PACRG: variants seen among roughly 807,000 people sequenced by gnomAD.
The protein encoded by PACRG is parkin coregulated gene protein.
Under a neutral mutation model 29.7 loss-of-function variants are expected in PACRG, and 29 were observed. The observed-to-expected ratio is 0.98, with a 90% CI of 0.73 to 1.33. The LOEUF (loss-of-function observed/expected upper bound fraction) is 1.33. Among genes scored for constraint, PACRG ranks in the 40% most tolerant of loss-of-function variants. The probability of loss-of-function intolerance (pLI) is 0.00; values close to 1 mark genes in which losing one functional copy is unlikely to be tolerated. For synonymous variants in PACRG, 116 were observed against 118.7 expected (o/e 0.98, Z 0.15); for missense variants, 279 against 316.2 (o/e 0.88, Z 0.89).
intron 2 of PACRG, among the ~76,000 whole-genome samples, chr6:162,980,137 C>T (rs1584926927): frequency 6.6e-6 from 1 of 151,546 alleles, no homozygotes; most frequent in Non-Finnish European, 1.5e-5. Flanking sequence ...TTTCCCAGTA[C>T]TAGTTCTCAT....
chr6:162,941,410 G>A (rs914481757), intron 2 of PACRG, among the ~76,000 whole-genome samples: 4 of 152,180 alleles, frequency 2.6e-5, no homozygotes, highest in African/African-American at 9.7e-5. Context: ...TACTGCGAGT[G>A]CAAGGTCCTG....
chr6:162,924,807 C>G (rs967493490), intron 2 of PACRG, among the ~76,000 whole-genome samples: 1 of 151,890 alleles, frequency 6.6e-6, no homozygotes, highest in Non-Finnish European at 1.5e-5. Flanking sequence ...CAAGAAATAA[C>G]TAAGATCACA....
chr6:162,868,622 A>G (rs1435241517), intron 2 of PACRG, among the ~76,000 whole-genome samples: 1 of 151,912 alleles, frequency 6.6e-6, no homozygotes, highest in East Asian at 1.9e-4. Flanking sequence ...TGAGATCCCT[A>G]CTCACAGCCT....
chr6:162,794,639 GT>G (rs1210835718), intron 1 of PACRG, among the ~76,000 whole-genome samples: 1 of 152,112 alleles, frequency 6.6e-6, no homozygotes, highest in African/African-American at 2.4e-5. Context: ...CAGAGATACA[GT>G]TTTTCTTTTT....
intron 4 of PACRG, among the ~76,000 whole-genome samples, chr6:163,115,393 G>A (rs2128321677): frequency 6.6e-6 from 1 of 152,262 alleles, no homozygotes; most frequent in South Asian, 2.1e-4. Flanking sequence ...CAGTGGTAAA[G>A]CTTGATATGC....
chr6:163,252,561 G>A (rs375399343), intron 4 of PACRG, among the ~76,000 whole-genome samples: 3 of 152,296 alleles, frequency 2.0e-5, no homozygotes, highest in African/African-American at 2.4e-5. Flanking sequence ...TGCTGCAGGC[G>A]GGGCTCACCG....
At chr6:163,247,430 G>A (rs2128170739) in intron 4 of PACRG, among the ~76,000 whole-genome samples, 1 of 152,266 alleles carries the variant, frequency 6.6e-6, no homozygotes, top group East Asian at 1.9e-4. Flanking sequence ...GAATTGCAAT[G>A]TGCTTTATAT....
intron 2 of PACRG, among the ~76,000 whole-genome samples, chr6:162,836,481 T>A (rs575889712): frequency 9.2e-5 from 14 of 152,224 alleles, no homozygotes; most frequent in African/African-American, 3.1e-4. Context: ...CCTTCCATGA[T>A]CGCTCAAGCT....
At chr6:162,918,863 G>T (rs992989872) in intron 2 of PACRG, among the ~76,000 whole-genome samples, 2 of 151,848 alleles carry the variant, frequency 1.3e-5, no homozygotes, top group Non-Finnish European at 2.9e-5. Flanking sequence ...AATTTTATTG[G>T]GTTCATAGGT....
chr6:163,241,824 G>C lies in PACRG; in HGVS notation c.614-73003G>C, dbSNP rs187303571. 2.6e-4 allele frequency among the ~76,000 whole-genome samples: 40 copies of C among 152,168 alleles called. No homozygotes were observed. In the East Asian group the frequency reaches 2.9e-3, roughly 11 times the overall value. On this transcript the variant is annotated intron_variant, in intron 4 of 4. Coordinates refer to ENST00000366888, the MANE Select transcript of PACRG (RefSeq NM_001080379.2). Reference sequence around the variant, plus strand: ...ATGAGAGGCCATGGTAAACCCAAAGGGGGGGCACGGGCTGGGGATGGAACA... The same window carrying C: ...ATGAGAGGCCATGGTAAACCCAAAGCGGGGGCACGGGCTGGGGATGGAACA...
chr6:162,787,399 G>A (rs1404579757), intron 1 of PACRG, among the ~76,000 whole-genome samples: 1 of 150,582 alleles, frequency 6.6e-6, no homozygotes, highest in East Asian at 2.0e-4. Context: ...ACTAGCAGGG[G>A]GTCTCACATA....
At chr6:163,166,287 AT>A in intron 4 of PACRG, 1 of 407,732 alleles carries the variant, frequency 2.5e-6, no homozygotes, top group South Asian at 1.7e-5. Flanking sequence ...CAACAAAAAA[AT>A]GTAGATTAGA....
At chr6:162,873,373 G>T (rs1792998227) in intron 2 of PACRG, among the ~76,000 whole-genome samples, 1 of 152,134 alleles carries the variant, frequency 6.6e-6, no homozygotes, top group Admixed American at 6.5e-5. Context: ...TTAGTGGTAG[G>T]AGTTATTTCT....
rs142995618 is a variant in PACRG, at chr6:163,306,763, G to T, written c.614-8064G>T. 2.3e-3 allele frequency among the ~76,000 whole-genome samples: 357 copies of T among 152,266 alleles called. 10 individuals are homozygous for T. The South Asian group carries it at 0.046, about 19-fold the overall frequency. Reference sequence around the variant, plus strand: ...ACTTACTTTGAAGAATTACATAGTTGCTTTGTGATCATCTTTTCAGTTGAA... The same window carrying T: ...ACTTACTTTGAAGAATTACATAGTTTCTTTGTGATCATCTTTTCAGTTGAA... On this transcript the variant is annotated intron_variant, in intron 4 of 4. Coordinates refer to ENST00000366888, the MANE Select transcript of PACRG (RefSeq NM_001080379.2).
At position 162,931,315 on chromosome 6, in the gene PACRG, T is replaced by A. The variant is rs183495999; in HGVS notation, c.291+117034T>A. 3.9e-5 allele frequency among the ~76,000 whole-genome samples: 6 copies of A among 152,004 alleles called. No individual in the cohort carries two copies. The East Asian group carries it at 9.6e-4, about 24-fold the overall frequency. On this transcript the variant is annotated intron_variant, in intron 2 of 4. Transcript: ENST00000366888. ...GTGCCTTTCAAAGAAAAGATATTTT[T>A]AAAATGTTTACGAGGTCCAGTTTTA...
chr6:162,900,120 C>G (rs1795454080), intron 2 of PACRG, among the ~76,000 whole-genome samples: 1 of 152,020 alleles, frequency 6.6e-6, no homozygotes, highest in African/African-American at 2.4e-5. Context: ...AGAGCATGGT[C>G]AGGCCGGAAC....
chr6:163,088,638 G>A (rs1027442069), intron 3 of PACRG, among the ~76,000 whole-genome samples: 4 of 152,178 alleles, frequency 2.6e-5, no homozygotes, highest in African/African-American at 9.7e-5. Context: ...CTTTAGAACT[G>A]TCATATTCCT....
At position 162,992,199 on chromosome 6, in the gene PACRG, C is replaced by A. The variant is rs1336724775; in HGVS notation, c.292-69951C>A. Among the ~76,000 whole-genome samples the A allele has an allele frequency of 1.2e-4, 15 of 122,706 alleles. No individual in the cohort carries two copies. In the South Asian group the frequency reaches 2.0e-3, roughly 16 times the overall value. The allele number at this position is 122,706 out of a possible 152,430, so 80.5% of individuals were successfully genotyped here. On this transcript the variant is annotated intron_variant, in intron 2 of 4. Transcript: ENST00000366888. The stretch of plus-strand genomic sequence containing the variant: ...TCATCAAGGATATTGGTCTAAAATT[C>A]TCTTTTTTGGTTGTGTCTCTGCCCG...
At chr6:162,974,773 G>A (rs867707122) in intron 2 of PACRG, among the ~76,000 whole-genome samples, 2 of 152,092 alleles carry the variant, frequency 1.3e-5, no homozygotes, top group Admixed American at 6.6e-5. Context: ...TTATCTCCAC[G>A]TTACAGATGA....
Sources: allele counts gnomAD v4.1 joint callset (sites outside exome capture counted in the v4.1 genomes callset), GRCh38; gene constraint gnomAD v4.1.1; transcripts MANE v1.5; gene names NCBI Gene and HGNC (gene_info 2026-07-23, HGNC 2026-07-21).